DNHD1: variants seen among roughly 807,000 people sequenced by gnomAD.
DNHD1 encodes dynein heavy chain domain 1.
In DNHD1, 383 loss-of-function variants were observed where a neutral mutation model predicts 458.1. That is an observed-to-expected ratio of 0.84 (90% CI 0.77 to 0.91). The LOEUF (loss-of-function observed/expected upper bound fraction) is 0.91, where lower values mean the gene tolerates loss of function less well. Among genes scored for constraint, DNHD1 ranks in the 40% least tolerant of loss-of-function variants. DNHD1 has a pLI of 0.00. For missense variants in DNHD1, 5,336 were observed against 5,866.1 expected, an observed-to-expected ratio of 0.91 and a Z score of 2.95; for synonymous variants, 2,203 against 2,376.9, an observed-to-expected ratio of 0.93 and a Z score of 2.13.
chr11:6,497,978 T>C lies in DNHD1; in HGVS notation c.-238T>C. The C allele has an allele frequency of 1.7e-6, 1 of 575,674 alleles. No individual in the cohort carries two copies. The highest frequency in any genetic ancestry group is 3.1e-6 in the Non-Finnish European group (1 of 325,038). 35.7% of individuals were successfully genotyped at this position (575,674 alleles called of 1,614,324 possible). A position where few individuals can be genotyped will look rare whatever the true frequency, so the allele number is the denominator to read the frequency against. On this transcript the variant is annotated 5_prime_UTR_variant, in exon 3 of 43. Coordinates refer to ENST00000254579, the MANE Select transcript of DNHD1 (RefSeq NM_144666.3). ...AGGGCCTGAGGGTCTCAGGAAAGGCTCTCTGCTGGTCTGGCTCTGCTCTGT... is the reference window on the plus strand; with the variant it reads ...AGGGCCTGAGGGTCTCAGGAAAGGCCCTCTGCTGGTCTGGCTCTGCTCTGT...
Position 6,571,103 on chromosome 11 carries a change from G to A in DNHD1, c.13591G>A (p.Gly4531Ser). Reference protein sequence around the residue: ...CAAVAHALWTGRLPLPWRPHA... With the variant: ...CAAVAHALWTSRLPLPWRPHA... Reference sequence around the variant, plus strand: ...TGCGGTGGCCCACGCTCTCTGGACTGGCCGCCTACCCTTGCCTTGGCGACC... The same window carrying A: ...TGCGGTGGCCCACGCTCTCTGGACTAGCCGCCTACCCTTGCCTTGGCGACC... Residue 4531 changes from glycine to serine, a missense_variant, in exon 42 of 43, where the codon GGC becomes AGC. By Grantham distance (56) the Gly-to-Ser change is moderately conservative (BLOSUM62 0). Transcript: ENST00000254579. The surrounding 1 kb of genome is among the most constrained non-coding windows in gnomAD (Gnocchi z 5.0). 6.3e-7 allele frequency: 1 copy of A among 1,597,766 alleles called. No homozygotes were observed. The highest frequency in any genetic ancestry group is 8.5e-7 in the Non-Finnish European group (1 of 1,173,450).
rs932012606 is a variant in DNHD1, at chr11:6,498,071, G to A, written c.-145G>A. The A allele has an allele frequency of 8.7e-7, 1 of 1,148,734 alleles. No individual in the cohort carries two copies. The highest frequency in any genetic ancestry group is 1.5e-5 in the African/African-American group (1 of 64,580). The allele number at this position is 1,148,734 out of a possible 1,614,324, so 71.2% of individuals were successfully genotyped here. A position where few individuals can be genotyped will look rare whatever the true frequency, so the allele number is the denominator to read the frequency against. On this transcript the variant is annotated 5_prime_UTR_variant, in exon 3 of 43. Transcript: ENST00000254579. ...ACCCCATTGACTCTGACCATCCCCT[G>A]CCCAGAGCCTGAGGTCCCTTCTCTG...
chr11:6,534,498 C>G (rs1852899649), intron 14 of DNHD1, among the ~76,000 whole-genome samples: 2 of 152,128 alleles, frequency 1.3e-5, no homozygotes, highest in African/African-American at 4.8e-5. Flanking sequence ...TAGAACGTAG[C>G]CTTTTTGTAG....
intron 18 of DNHD1, 136 bp from the exon 19 acceptor site, chr11:6,543,985 A>AAAG: frequency 2.1e-6 from 1 of 477,404 alleles, no homozygotes; most frequent in Non-Finnish European, 3.4e-6. Flanking sequence ...AAAAAAAAAA[A>AAAG]GGGAAAGAAA....
At position 6,505,554 on chromosome 11, in the gene DNHD1, C is replaced by T. The variant is rs1001275279; in HGVS notation, c.920+2628C>T. 2.6e-5 allele frequency among the ~76,000 whole-genome samples: 4 copies of T among 152,090 alleles called. No individual in the cohort carries two copies. The highest frequency in any genetic ancestry group is 2.9e-5 in the Non-Finnish European group (2 of 68,020). ...AGGCGTGAGTCACCGCGCCTGGCCT[C>T]GACATCTTTTTAAAAACACATTCTC... On this transcript the variant is annotated intron_variant, in intron 4 of 42. Transcript: ENST00000254579. This position sits in a 1 kb window ranked among gnomAD's most constrained non-coding sequence, Gnocchi z 4.4.
chr11:6,571,685 T>C lies in DNHD1; in HGVS notation c.13961T>C (p.Ile4654Thr). The C allele has an allele frequency of 1.9e-6, 3 of 1,610,224 alleles. No individual in the cohort carries two copies. The highest frequency in any genetic ancestry group is 1.1e-5 in the South Asian group (1 of 90,438). Residue 4654 changes from isoleucine to threonine, a missense_variant, in exon 43 of 43, where the codon ATC becomes ACC. Transcript: ENST00000254579. The surrounding 1 kb of genome is among the most constrained non-coding windows in gnomAD (Gnocchi z 5.0). ...PTVPERGLLLIGLQVLHAEWD... is the reference protein window; with the variant it reads ...PTVPERGLLLTGLQVLHAEWD... ...GTTCCAGAGAGAGGGCTGCTGCTGA[T>C]CGGGCTACAGGTCCTACATGCGGAG...
In DNHD1 at chr11:6,539,899, A is replaced by C; in HGVS notation, c.3444A>C (p.Arg1148=). The part of the protein sequence containing the change: ...INQVWQNENE[R]IHAQETIRRL... Reference sequence around the variant, plus strand: ...AGGTCTGGCAGAATGAAAATGAACGAATTCATGCCCAAGAGACTATACGGC... The same window carrying C: ...AGGTCTGGCAGAATGAAAATGAACGCATTCATGCCCAAGAGACTATACGGC... The change falls in exon 18 of 43, where the codon CGA becomes CGC. Residue 1148 remains arginine, a synonymous_variant. Coordinates refer to ENST00000254579, the MANE Select transcript of DNHD1 (RefSeq NM_144666.3). 1 of 1,551,718 alleles carries C rather than the reference A, an allele frequency of 6.4e-7. No homozygotes were observed. Among genetic ancestry groups the C allele is most frequent in the African/African-American group, 1.4e-5 (1 of 73,172 alleles).
intron 1 of DNHD1, 115 bp downstream of exon 1, chr11:6,497,446 C>G (rs189988404): frequency 3.3e-5 from 5 of 153,102 alleles, no homozygotes; most frequent in Admixed American, 3.3e-4. Flanking sequence ...ACGTCTTCCC[C>G]TACCTGCATC....
chr11:6,500,424 C>G (rs1852109969), intron 3 of DNHD1, among the ~76,000 whole-genome samples: 2 of 152,186 alleles, frequency 1.3e-5, no homozygotes, highest in Non-Finnish European at 2.9e-5. Flanking sequence ...AAGTTTATGG[C>G]TGGGTCAAGT....
chr11:6,535,483 G>A (rs1225023955), intron 14 of DNHD1, among the ~76,000 whole-genome samples: 2 of 152,156 alleles, frequency 1.3e-5, no homozygotes, highest in African/African-American at 4.8e-5. Context: ...GTAGGTACAA[G>A]ATGAACCTAA....
chr11:6,568,668 T>C lies in DNHD1; in HGVS notation c.12665T>C (p.Val4222Ala). 6.2e-7 allele frequency: 1 copy of C among 1,613,968 alleles called. No individual in the cohort carries two copies. Among genetic ancestry groups the C allele is most frequent in the Non-Finnish European group, 8.5e-7 (1 of 1,179,874 alleles). ...CAGCACTCTCCTTCCTCCCCAGCTG[T>C]GCTGACTCAGCACTCCATGCCTGTT... ...PAESSASLPA[V>A]LTQHSMPVFW... The change falls in exon 39 of 43, where the codon GTG becomes GCG. Residue 4222 changes from valine to alanine, a missense_variant. Val to Ala is a moderately conservative substitution (Grantham distance 64). Coordinates refer to ENST00000254579, the MANE Select transcript of DNHD1 (RefSeq NM_144666.3).
chr11:6,568,145 T>C lies in DNHD1; in HGVS notation c.12441T>C (p.Tyr4147=). ...TCAGCACTCTATCCCAGGCTATGTA[T>C]GAGGGGCACTGGCTGGTGCTGGACA... The part of the protein sequence containing the change: ...VVVSTLSQAM[Y]EGHWLVLDNC... The change falls in exon 37 of 43, where the codon TAT becomes TAC. Residue 4147 remains tyrosine, a synonymous_variant. Coordinates refer to ENST00000254579, the MANE Select transcript of DNHD1 (RefSeq NM_144666.3). 3 of 1,558,850 alleles carry C rather than the reference T, an allele frequency of 1.9e-6. No homozygotes were observed. The highest frequency in any genetic ancestry group is 2.6e-6 in the Non-Finnish European group (3 of 1,150,498).
At position 6,528,390 on chromosome 11, in the gene DNHD1, A is replaced by C. The variant is rs1215456156; in HGVS notation, c.1838-132A>C. The C allele has an allele frequency of 3.6e-6, 4 of 1,111,706 alleles. No individual in the cohort carries two copies. The African/African-American group carries it at 6.5e-5, about 18-fold the overall frequency. 68.9% of individuals were successfully genotyped at this position (1,111,706 alleles called of 1,614,324 possible). A position where few individuals can be genotyped will look rare whatever the true frequency, so the allele number is the denominator to read the frequency against. On this transcript the variant is annotated intron_variant, in intron 10 of 42. Coordinates refer to ENST00000254579, the MANE Select transcript of DNHD1 (RefSeq NM_144666.3). Reference sequence around the variant, plus strand: ...TATAGATGTATGTGTTAACTCACTCATGAGCAGCGAATGGGTGTGTGTGTG... The same window carrying C: ...TATAGATGTATGTGTTAACTCACTCCTGAGCAGCGAATGGGTGTGTGTGTG...
rs1852287462 is a variant in DNHD1 at position 6,509,174 on chromosome 11, T to C, written c.1137T>C (p.Asn379=). The change falls in exon 6 of 43, where the codon AAT becomes AAC. Residue 379 remains asparagine, a synonymous_variant. Transcript: ENST00000254579. ...LRKSFTCWKK[N]VRLQGLHRLQ... ...CTCTAATTTCTAGTTGGAAGAAGAA[T>C]GTGAGATTACAGGGGCTGCATCGAC... is the stretch of plus-strand genomic sequence containing the variant. 1 of 1,614,218 alleles carries C rather than the reference T, an allele frequency of 6.2e-7. No homozygotes were observed. The highest frequency in any genetic ancestry group is 8.5e-7 in the Non-Finnish European group (1 of 1,180,034).
intron 18 of DNHD1, among the ~76,000 whole-genome samples, chr11:6,542,153 C>T (rs1236332093): frequency 1.3e-5 from 2 of 152,158 alleles, no homozygotes; most frequent in South Asian, 2.1e-4. Flanking sequence ...GACACAAAGG[C>T]TGGATGTCTG....
In DNHD1 at chr11:6,556,720, G is replaced by A. The variant is rs1007408480; in HGVS notation, c.7425G>A (p.Leu2475=). 6.4e-6 allele frequency: 10 copies of A among 1,550,782 alleles called. No homozygotes were observed. The highest frequency in any genetic ancestry group is 7.9e-6 in the Non-Finnish European group (9 of 1,146,276). The part of the protein sequence containing the change: ...EKSCQPVLET[L]RQAMDGTVYA... ...GCTGCCAGCCAGTGTTGGAGACTCT[G>A]CGCCAGGCCATGGATGGCACTGTGT... The change falls in exon 25 of 43, where the codon CTG becomes CTA. Residue 2475 remains leucine (L), a synonymous_variant. Transcript: ENST00000254579.
In DNHD1 at chr11:6,544,228, G is replaced by A. The variant is rs186978440; in HGVS notation, c.3736G>A (p.Ala1246Thr). 3.9e-3 allele frequency: 6,024 copies of A among 1,551,572 alleles called. 27 individuals are homozygous for A. Among genetic ancestry groups the A allele is most frequent in the South Asian group, 9.9e-3 (835 of 84,064 alleles). Reference sequence around the variant, plus strand: ...AAACAAAATAGCTTTGGAGTGGGTGGCCATCATGCATGGCCTGGGTAAGTG... The same window carrying A: ...AAACAAAATAGCTTTGGAGTGGGTGACCATCATGCATGGCCTGGGTAAGTG... ...DLNKIALEWV[A>T]IMHGLGALLE... Residue 1246 changes from alanine (A) to threonine (T), a missense_variant, in exon 19 of 43, where the codon GCC (alanine) becomes ACC (threonine). Ala to Thr is a moderately conservative substitution (Grantham distance 58). This residue lies in a region of DNHD1 where 3,932 missense variants were observed against 4,365.6 expected (regional missense o/e 0.90). Coordinates refer to ENST00000254579, the MANE Select transcript of DNHD1 (RefSeq NM_144666.3).
chr11:6,498,881 G>A lies in DNHD1; in HGVS notation c.666G>A (p.Leu222=). ...GACTTAGTCTCCTTCCCTTGGCACT[G>A]GCAGCGGACATCCCTGTACGGTATG... ...LDGLSLLPLA[L]AADIPVRYES... Residue 222 remains leucine, a synonymous_variant, in exon 3 of 43, where the codon CTG becomes CTA. Transcript: ENST00000254579. 1 of 1,614,264 alleles carries A rather than the reference G, an allele frequency of 6.2e-7. No individual in the cohort carries two copies. Among genetic ancestry groups the A allele is most frequent in the Non-Finnish European group, 8.5e-7 (1 of 1,180,054 alleles).
Position 6,571,519 on chromosome 11 carries a change from A to T in DNHD1, c.13911+96A>T. The T allele has an allele frequency of 6.8e-7, 1 of 1,462,398 alleles. No homozygotes were observed. The allele number at this position is 1,462,398 out of a possible 1,614,324, so 90.6% of individuals were successfully genotyped here. On this transcript the variant is annotated intron_variant, in intron 42 of 42. Transcript: ENST00000254579. The surrounding 1 kb of genome is among the most constrained non-coding windows in gnomAD (Gnocchi z 5.0). ...CCTTCTTGGTGATCTTGCCCCCGGT[A>T]ACCCTGCTAGCTTCTCCGATCTCGC...
Sources: allele counts gnomAD v4.1 joint callset (sites outside exome capture counted in the v4.1 genomes callset), GRCh38; gene constraint gnomAD v4.1.1; regional missense constraint gnomAD v4.1.1; non-coding constraint Gnocchi (gnomAD v3.1); transcripts MANE v1.5; gene names NCBI Gene and HGNC (gene_info 2026-07-23, HGNC 2026-07-21).